Variants in THSD4 observed in about 807,000 individuals in gnomAD.
THSD4 encodes thrombospondin type 1 domain containing 4, also known as thrombospondin type-1 domain-containing protein 4.
THSD4 carries 69 observed loss-of-function variants against 119.0 expected under a neutral mutation model. The ratio of observed to expected loss-of-function variants is 0.58; its 90% CI spans 0.48 to 0.71. The LOEUF is 0.71. Among genes scored for constraint, THSD4 ranks in the 30% least tolerant of loss-of-function variants. THSD4 has a pLI of 0.00. For synonymous variants in THSD4, 524 were observed against 540.4 expected, an observed-to-expected ratio of 0.97 and a Z score of 0.42; for missense variants, 1,393 against 1,391.1, an observed-to-expected ratio of 1.00 and a Z score of -0.02.
chr15:71,561,804 G>T (rs1483802680), intron 7 of THSD4, among the ~76,000 whole-genome samples: 1 of 151,952 alleles, frequency 6.6e-6, no homozygotes, highest in South Asian at 2.1e-4. Context: ...AGAAGGAAGG[G>T]CTGGGAAGTC....
At chr15:71,512,832 G>T (rs1394690161) in intron 7 of THSD4, among the ~76,000 whole-genome samples, 1 of 152,056 alleles carries the variant, frequency 6.6e-6, no homozygotes, top group Non-Finnish European at 1.5e-5. Flanking sequence ...ACGAGAGTAG[G>T]GCTTGTGGTA....
At chr15:71,613,668 C>A (rs1426756810) in intron 7 of THSD4, among the ~76,000 whole-genome samples, 1 of 152,260 alleles carries the variant, frequency 6.6e-6, no homozygotes, top group East Asian at 1.9e-4. Context: ...GAATCCATAC[C>A]TTCACCAGCT....
chr15:71,318,819 A>G (rs185199843), intron 6 of THSD4, among the ~76,000 whole-genome samples: 1 of 152,306 alleles, frequency 6.6e-6, no homozygotes, highest in Admixed American at 6.5e-5. Context: ...CCAAGTGTGA[A>G]CCTGAGAGGC....
intron 6 of THSD4, among the ~76,000 whole-genome samples, chr15:71,345,952 T>A (rs759839043): frequency 4.6e-5 from 7 of 152,134 alleles, no homozygotes; most frequent in Admixed American, 6.5e-5. Context: ...AACAAAAAAA[T>A]TCTCATACAT....
intron 6 of THSD4, among the ~76,000 whole-genome samples, chr15:71,303,499 G>C (rs1386643831): frequency 2.0e-5 from 3 of 152,248 alleles, no homozygotes; most frequent in Non-Finnish European, 4.4e-5. Context: ...GCAGTACATT[G>C]AGGATGAGAT....
chr15:71,418,359 G>A (rs1398976464), intron 7 of THSD4, among the ~76,000 whole-genome samples: 2 of 108,092 alleles, frequency 1.9e-5, no homozygotes, highest in Non-Finnish European at 2.0e-5. Context: ...AAGGCTTTTG[G>A]TTTTTCTCTA....
chr15:71,221,916 T>G lies in THSD4; in HGVS notation c.464+6517T>G, dbSNP rs899345670. Reference sequence around the variant, plus strand: ...CCTCACCAACACTTGTTATTTTCTGTTTTTTTTTGATAGTGCCCATCCTAA... The same window carrying G: ...CCTCACCAACACTTGTTATTTTCTGGTTTTTTTTGATAGTGCCCATCCTAA... On this transcript the variant is annotated intron_variant, in intron 4 of 17. Transcript: ENST00000261862. Among the ~76,000 whole-genome samples the G allele has an allele frequency of 3.7e-5, 5 of 135,894 alleles. 1 individual carries two copies. The highest frequency in any genetic ancestry group is 4.2e-4 in the South Asian group (2 of 4,734). The allele number at this position is 135,894 out of a possible 152,430, so 89.2% of individuals were successfully genotyped here.
chr15:71,463,525 T>C (rs1387182328), intron 7 of THSD4, among the ~76,000 whole-genome samples: 1 of 152,248 alleles, frequency 6.6e-6, no homozygotes, highest in Non-Finnish European at 1.5e-5. Context: ...TCTGGGTCTC[T>C]GACATTTACA....
rs1350714819 is a variant in THSD4 at position 71,122,478 on chromosome 15, C to G, written c.-80+6780C>G. Among the ~76,000 whole-genome samples the G allele has an allele frequency of 3.3e-5, 5 of 152,196 alleles. No homozygotes were observed. In the East Asian group the frequency reaches 9.6e-4, roughly 29 times the overall value. On this transcript the variant is annotated intron_variant, in intron 1 of 17. Coordinates refer to ENST00000261862, the MANE Select transcript of THSD4 (RefSeq NM_024817.3). Reference sequence around the variant, plus strand: ...AGTGAGTATCTCAGTGAGGAAAGGTCTCTCCCTGCTCTCAGCCTCTTACAG... The same window carrying G: ...AGTGAGTATCTCAGTGAGGAAAGGTGTCTCCCTGCTCTCAGCCTCTTACAG...
At chr15:71,111,379 C>T (rs1299369507), upstream of THSD4, 3 of 1,613,066 alleles carry the variant, frequency 1.9e-6, no homozygotes, top group Non-Finnish European at 2.5e-6. Context: ...GAGTCAGCCC[C>T]AGGCAAGGGC....
chr15:71,494,866 A>G (rs1321851689), intron 7 of THSD4, among the ~76,000 whole-genome samples: 3 of 152,240 alleles, frequency 2.0e-5, no homozygotes, highest in African/African-American at 7.2e-5. Context: ...ATATGAAAAC[A>G]TTTTGTAAAT....
At chr15:71,638,747 A>G (rs1304552923) in intron 7 of THSD4, among the ~76,000 whole-genome samples, 3 of 152,204 alleles carry the variant, frequency 2.0e-5, no homozygotes, top group Non-Finnish European at 4.4e-5. Flanking sequence ...TTTTTGGACT[A>G]TAGGTTTAAG....
At chr15:71,534,814 A>G (rs1224884863) in intron 7 of THSD4, among the ~76,000 whole-genome samples, 2 of 152,160 alleles carry the variant, frequency 1.3e-5, no homozygotes, top group African/African-American at 4.8e-5. Flanking sequence ...CCCTGTCTCT[A>G]CTAAACAACA....
At chr15:71,684,553 A>G (rs535279665) in intron 8 of THSD4, among the ~76,000 whole-genome samples, 6 of 150,862 alleles carry the variant, frequency 4.0e-5, no homozygotes, top group Admixed American at 4.0e-4. Flanking sequence ...TTTAAATGAC[A>G]TTTTGGCACC....
At chr15:71,659,727 G>A (rs2051263511) in intron 7 of THSD4, among the ~76,000 whole-genome samples, 1 of 152,172 alleles carries the variant, frequency 6.6e-6, no homozygotes, top group East Asian at 1.9e-4. Flanking sequence ...TTTAATTTGT[G>A]TGTGCGACAT....
Position 71,708,412 on chromosome 15 carries a change from A to G in THSD4, c.1358-20137A>G, listed in dbSNP as rs368477996. 2.6e-3 allele frequency among the ~76,000 whole-genome samples: 396 copies of G among 152,272 alleles called. 1 individual carries two copies. Among genetic ancestry groups the G allele is most frequent in the African/African-American group, 9.2e-3 (384 of 41,552 alleles). The stretch of plus-strand genomic sequence containing the variant: ...ATCGGCCTTGTCTTTAGCCCAACCC[A>G]TGAAATAAGTGAAATGAAGACCTGT... On this transcript the variant is annotated intron_variant, in intron 8 of 17. Transcript: ENST00000261862.
intron 1 of THSD4, among the ~76,000 whole-genome samples, chr15:71,104,859 T>A (rs535373511): frequency 6.6e-6 from 1 of 152,210 alleles, no homozygotes; most frequent in South Asian, 2.1e-4. Context: ...TAAGGAAGTA[T>A]GTGAACCAAT....
chr15:71,663,316 A>G (rs1009822534), intron 8 of THSD4, among the ~76,000 whole-genome samples: 4 of 152,182 alleles, frequency 2.6e-5, no homozygotes, highest in Non-Finnish European at 4.4e-5. Context: ...TCAACTTCCT[A>G]TGCCCAAAGA....
chr15:71,225,551 C>CTTT (rs748966344), intron 4 of THSD4, among the ~76,000 whole-genome samples: 1 of 41,236 alleles, frequency 2.4e-5, no homozygotes, highest in Non-Finnish European at 4.9e-5. Context: ...TTTTTTTTTT[C>CTTT]TTTTTTTTTT....
Sources: gnomAD v4.1 joint callset for allele counts (sites outside exome capture counted in the v4.1 genomes callset) on GRCh38, gnomAD v4.1.1 for gene constraint, MANE v1.5 for transcripts, NCBI Gene and HGNC (gene_info 2026-07-23, HGNC 2026-07-21) for gene names.